Variants in SNAP29 observed in about 807,000 individuals in gnomAD.
SNAP29 encodes the protein synaptosome associated protein 29.
SNAP29 carries 13 observed loss-of-function variants against 27.9 expected under a neutral mutation model. The observed-to-expected ratio is 0.47, with a 90% confidence interval of 0.30 to 0.74. The LOEUF (loss-of-function observed/expected upper bound fraction) is 0.74. Ranked by LOEUF, SNAP29 falls within the 30% of genes least tolerant of loss-of-function variation. The pLI is 0.06. For synonymous variants in SNAP29, 119 were observed against 127.1 expected (o/e 0.94, Z 0.43); for missense variants, 368 against 336.5 (o/e 1.09, Z -0.73).
In SNAP29 at chr22:20,888,311, T is replaced by TCA. The variant is rs575240461; in HGVS notation, c.*519_*520dup. ...CACACCTTTGTTTAGGAGTCATCAT[T>TCA]CACACACACACACACACACACACAC... On this transcript the variant is annotated 3_prime_UTR_variant, in exon 5 of 5. Transcript: ENST00000215730. 4,652 of 174,498 alleles carry TCA rather than the reference T, an allele frequency of 0.027. 76 individuals carry two copies. The highest frequency in any genetic ancestry group is 0.048 in the Middle Eastern group (21 of 434). 10.8% of individuals were successfully genotyped at this position (174,498 alleles called of 1,614,324 possible).
At chr22:20,864,666 G>C (rs1234553160) in intron 1 of SNAP29, among the ~76,000 whole-genome samples, 1 of 152,210 alleles carries the variant, frequency 6.6e-6, no homozygotes, top group Non-Finnish European at 1.5e-5. Flanking sequence ...CCTCAAATTT[G>C]TAAATGTCAG....
intron 1 of SNAP29, among the ~76,000 whole-genome samples, chr22:20,868,784 G>A (rs1928518948): frequency 6.6e-6 from 1 of 152,194 alleles, no homozygotes; most frequent in African/African-American, 2.4e-5. Flanking sequence ...CTGTAGATCA[G>A]TTCTGAACTA....
At position 20,859,347 on chromosome 22, in the gene SNAP29, G is replaced by T; in HGVS notation, c.237G>T (p.Glu79Asp). 1 of 1,603,366 alleles carries T rather than the reference G, an allele frequency of 6.2e-7. No individual in the cohort carries two copies. Among genetic ancestry groups the T allele is most frequent in the Non-Finnish European group, 8.5e-7 (1 of 1,170,394 alleles). ...AGAAGGTTGGGGTCGCCTCTTCCGA[G>T]GTGAGCCTGGGGCAGGGCTGGTGTG... ...ESEKVGVASS[E>D]ELARQRGVLE... The change falls in exon 1 of 5, where the codon GAG (glutamate) becomes GAT (aspartate). Residue 79 changes from glutamate (E) to aspartate (D), a missense_variant and splice_region_variant. By Grantham distance (45) the Glu-to-Asp change is conservative (BLOSUM62 2). Transcript: ENST00000215730.
chr22:20,864,422 C>T (rs1238324262), intron 1 of SNAP29, among the ~76,000 whole-genome samples: 1 of 152,176 alleles, frequency 6.6e-6, no homozygotes, highest in East Asian at 1.9e-4. Flanking sequence ...GAGGACACCC[C>T]TCCTGGCCCA....
chr22:20,874,286 A>G (rs1187235685), intron 2 of SNAP29, among the ~76,000 whole-genome samples: 4 of 150,926 alleles, frequency 2.7e-5, no homozygotes, highest in Non-Finnish European at 4.4e-5. Flanking sequence ...TGGGCGACAG[A>G]GCAAGACTCT....
chr22:20,883,442 G>A (rs374153729), intron 3 of SNAP29, 29 bp from the exon 4 acceptor site: 48 of 1,373,040 alleles, frequency 3.5e-5, no homozygotes, highest in Middle Eastern at 1.8e-4. Flanking sequence ...TCAATTAACC[G>A]CTCTCCTGGT....
chr22:20,863,262 A>G (rs929335895), intron 1 of SNAP29, among the ~76,000 whole-genome samples: 2 of 152,102 alleles, frequency 1.3e-5, no homozygotes, highest in African/African-American at 4.8e-5. Flanking sequence ...CTCAGTGCAC[A>G]GTGTGGCTTC....
At chr22:20,867,586 TCATGA>T (rs1405646956) in intron 1 of SNAP29, among the ~76,000 whole-genome samples, 2 of 152,206 alleles carry the variant, frequency 1.3e-5, no homozygotes, top group African/African-American at 4.8e-5. Context: ...CTTGCTGGCC[TCATGA>T]CCTCTGGTGA....
intron 4 of SNAP29, among the ~76,000 whole-genome samples, chr22:20,886,310 A>G (rs942286426): frequency 2.7e-5 from 4 of 150,904 alleles, no homozygotes; most frequent in African/African-American, 7.3e-5. Flanking sequence ...TTTTATTTTT[A>G]TATTTTTTAA....
At chr22:20,885,343 A>T (rs1336656865) in intron 4 of SNAP29, among the ~76,000 whole-genome samples, 1 of 152,116 alleles carries the variant, frequency 6.6e-6, no homozygotes, top group East Asian at 1.9e-4. Flanking sequence ...ACTGAAACCC[A>T]TGAAGATGCA....
At chr22:20,876,072 A>C (rs969531388) in intron 2 of SNAP29, among the ~76,000 whole-genome samples, 1 of 151,544 alleles carries the variant, frequency 6.6e-6, no homozygotes, top group Non-Finnish European at 1.5e-5. Context: ...GAGGCAGGAG[A>C]ATGGCATGAA....
At chr22:20,883,879 C>G (rs1928950634) in intron 4 of SNAP29, among the ~76,000 whole-genome samples, 1 of 152,158 alleles carries the variant, frequency 6.6e-6, no homozygotes, top group Admixed American at 6.6e-5. Flanking sequence ...TCCCACCTGG[C>G]CACTCAGAGC....
chr22:20,876,151 CA>C (rs1012044755), intron 2 of SNAP29, among the ~76,000 whole-genome samples: 2 of 147,822 alleles, frequency 1.4e-5, no homozygotes, highest in Non-Finnish European at 3.0e-5. Flanking sequence ...ACAGAGACTC[CA>C]TCTCAAAAAA....
chr22:20,866,965 C>T (rs1342306524), intron 1 of SNAP29, among the ~76,000 whole-genome samples: 1 of 152,160 alleles, frequency 6.6e-6, no homozygotes, highest in African/African-American at 2.4e-5. Flanking sequence ...GCCTCCCCCA[C>T]AGGACTGTAA....
rs944491618 is a variant in SNAP29 at position 20,887,905 on chromosome 22, T to C, written c.*69T>C. On this transcript the variant is annotated 3_prime_UTR_variant, in exon 5 of 5. Transcript: ENST00000215730. ...GATCTTTTTTTGAACTTCCAAGAAA[T>C]TTCATTTACTATTTTAGTATGTAAA... 1 of 1,417,848 alleles carries C rather than the reference T, an allele frequency of 7.1e-7. No homozygotes were observed. The highest frequency in any genetic ancestry group is 9.9e-7 in the Non-Finnish European group (1 of 1,006,926). The allele number at this position is 1,417,848 out of a possible 1,614,324, so 87.8% of individuals were successfully genotyped here.
In SNAP29 at chr22:20,890,263, A is replaced by G; in HGVS notation, c.*2427A>G. On this transcript the variant is annotated 3_prime_UTR_variant, in exon 5 of 5. Coordinates refer to ENST00000215730, the MANE Select transcript of SNAP29 (RefSeq NM_004782.4). ...AGAAACTTTTCACATGATGATTGGG[A>G]TCGACAAAAAAATGCTACCCTCTAG... 2.5e-6 allele frequency: 1 copy of G among 398,528 alleles called. No homozygotes were observed. The highest frequency in any genetic ancestry group is 4.4e-6 in the Non-Finnish European group (1 of 226,044). 24.7% of individuals were successfully genotyped at this position (398,528 alleles called of 1,614,324 possible). A position where few individuals can be genotyped will look rare whatever the true frequency, so the allele number is the denominator to read the frequency against.
Position 20,870,543 on chromosome 22 carries a change from T to A in SNAP29, c.434+10T>A, listed in dbSNP as rs757278474. On this transcript the variant is annotated intron_variant, in intron 2 of 4. Transcript: ENST00000215730. ...CCCAGCCCAACAACAGGTGAGTGCA[T>A]CTTCTACCATCTGGGTATAAAGGAG... 35 of 1,611,680 alleles carry A rather than the reference T, an allele frequency of 2.2e-5. No homozygotes were observed. In the South Asian group the frequency reaches 3.9e-4, roughly 18 times the overall value.
intron 2 of SNAP29, 65 bp downstream of exon 2, chr22:20,870,598 G>C (rs908303418): frequency 6.8e-6 from 10 of 1,460,336 alleles, no homozygotes; most frequent in Middle Eastern, 1.7e-4. Flanking sequence ...AAATGACCAA[G>C]ACTTTCAGTC....
At chr22:20,865,419 A>T (rs1928434605) in intron 1 of SNAP29, among the ~76,000 whole-genome samples, 2 of 151,672 alleles carry the variant, frequency 1.3e-5, no homozygotes, top group Non-Finnish European at 2.9e-5. Context: ...CTGTAACAGG[A>T]TGCCTTCTGA....
Sources: allele counts gnomAD v4.1 joint callset (sites outside exome capture counted in the v4.1 genomes callset), GRCh38; gene constraint gnomAD v4.1.1; transcripts MANE v1.5; gene names NCBI Gene and HGNC (gene_info 2026-07-23, HGNC 2026-07-21).